CA10: variants seen among roughly 807,000 people sequenced by gnomAD.
CA10 encodes carbonic anhydrase 10 (inactive).
In CA10, 14 loss-of-function variants were observed where a neutral mutation model predicts 44.2. The observed-to-expected ratio is 0.32, with a 90% CI of 0.21 to 0.50. CA10 has a LOEUF of 0.50. Ranked by LOEUF, CA10 falls within the 20% of genes least tolerant of loss-of-function variation. The pLI is 0.99. For synonymous variants in CA10, 159 were observed against 141.6 expected (o/e 1.12, Z -0.87); for missense variants, 350 against 409.7 (o/e 0.85, Z 1.26).
intron 3 of CA10, among the ~76,000 whole-genome samples, chr17:51,774,604 T>C (rs1273252019): frequency 6.6e-6 from 1 of 152,008 alleles, no homozygotes; most frequent in African/African-American, 2.4e-5. Flanking sequence ...CACATCCGGC[T>C]AATTTTTTTT....
chr17:52,123,872 A>G (rs1361048311), intron 1 of CA10, among the ~76,000 whole-genome samples: 1 of 152,220 alleles, frequency 6.6e-6, no homozygotes, highest in African/African-American at 2.4e-5. Flanking sequence ...AGAAAACCAT[A>G]TTAAGATAGA....
chr17:51,744,880 C>T (rs536013278), intron 4 of CA10, among the ~76,000 whole-genome samples: 92 of 152,270 alleles, frequency 6.0e-4, no homozygotes, highest in African/African-American at 1.8e-3. Flanking sequence ...AGCATTGTTT[C>T]GGGGACTCTG....
chr17:51,929,319 C>T (rs549107527), intron 3 of CA10, among the ~76,000 whole-genome samples: 2 of 152,172 alleles, frequency 1.3e-5, no homozygotes, highest in African/African-American at 4.8e-5. Flanking sequence ...ACACATTTTC[C>T]ATCTCAATCC....
chr17:52,138,418 A>T (rs1399109316), intron 1 of CA10, among the ~76,000 whole-genome samples: 1 of 152,174 alleles, frequency 6.6e-6, no homozygotes, highest in Non-Finnish European at 1.5e-5. Flanking sequence ...TAGGACACAA[A>T]CATCTTTGGG....
chr17:51,953,291 C>T (rs1184809447), intron 2 of CA10, among the ~76,000 whole-genome samples: 4 of 152,104 alleles, frequency 2.6e-5, no homozygotes, highest in Non-Finnish European at 4.4e-5. Flanking sequence ...TTTTTCCTAA[C>T]TCATTTTAAA....
chr17:51,732,359 A>G (rs564941356), intron 4 of CA10, among the ~76,000 whole-genome samples: 1 of 152,266 alleles, frequency 6.6e-6, no homozygotes, highest in Non-Finnish European at 1.5e-5. Context: ...CTTTCTATTA[A>G]TGGGTGACAC....
At chr17:51,649,989 C>CCAGT (rs1913499848) in intron 5 of CA10, among the ~76,000 whole-genome samples, 1 of 21,418 alleles carries the variant, frequency 4.7e-5, no homozygotes, top group Non-Finnish European at 1.3e-4. Context: ...AGCCAGTCAG[C>CCAGT]CAGCCAGCCA....
chr17:51,790,705 A>G (rs568577991), intron 3 of CA10, among the ~76,000 whole-genome samples: 1 of 152,338 alleles, frequency 6.6e-6, no homozygotes, highest in East Asian at 1.9e-4. Flanking sequence ...TTAGTCTCAA[A>G]TTCATTCTGT....
intron 4 of CA10, among the ~76,000 whole-genome samples, chr17:51,716,437 T>C (rs1916116212): frequency 6.6e-6 from 1 of 152,200 alleles, no homozygotes; most frequent in African/African-American, 2.4e-5. Flanking sequence ...TTCTCTCCCC[T>C]TTTTTGGCCT....
chr17:52,044,555 C>T (rs1205173186), intron 2 of CA10, among the ~76,000 whole-genome samples: 7 of 152,148 alleles, frequency 4.6e-5, no homozygotes, highest in East Asian at 3.9e-4. Flanking sequence ...CCACCCACCT[C>T]GGCCTCCCAA....
intron 3 of CA10, among the ~76,000 whole-genome samples, chr17:51,769,065 A>C (rs1158146399): frequency 6.6e-6 from 1 of 152,202 alleles, no homozygotes; most frequent in Non-Finnish European, 1.5e-5. Flanking sequence ...TATAATGACA[A>C]CATGTCTTGA....
At chr17:51,772,588 C>T (rs1222466886) in intron 3 of CA10, among the ~76,000 whole-genome samples, 6 of 151,982 alleles carry the variant, frequency 3.9e-5, no homozygotes. Context: ...CCAGCCACCA[C>T]AGCCACCAGG....
Position 52,029,779 on chromosome 17 carries a change from C to T in CA10, c.136+42540G>A, listed in dbSNP as rs147453897. ...AAGCATGTGAGCCATTGAACCTTGA[C>T]CACAAATATTCTAAGAAACTTATAA... On this transcript the variant is annotated intron_variant, in intron 2 of 8. Coordinates refer to ENST00000451037, the MANE Select transcript of CA10 (RefSeq NM_020178.5). 1.5e-3 allele frequency among the ~76,000 whole-genome samples: 223 copies of T among 152,246 alleles called. 5 individuals are homozygous for T. In the South Asian group the frequency reaches 0.023, roughly 16 times the overall value.
intron 2 of CA10, among the ~76,000 whole-genome samples, chr17:52,044,459 A>C (rs891596617): frequency 2.0e-5 from 3 of 151,944 alleles, no homozygotes; most frequent in African/African-American, 7.3e-5. Flanking sequence ...GCATGCCACC[A>C]CACCTGACTA....
intron 3 of CA10, among the ~76,000 whole-genome samples, chr17:51,786,214 C>CTGTGTG (rs71357856): frequency 0.018 from 2,709 of 147,996 alleles, 69 homozygotes; most frequent in African/African-American, 0.056. Flanking sequence ...CTTTGTGTGT[C>CTGTGTG]TGTGTGTGTG....
chr17:51,993,677 A>G (rs906151963), intron 2 of CA10, among the ~76,000 whole-genome samples: 2 of 152,084 alleles, frequency 1.3e-5, no homozygotes, highest in African/African-American at 2.4e-5. Context: ...AGCCTTAAAA[A>G]TAAGTATTAT....
chr17:51,810,620 C>G (rs1391257483), intron 3 of CA10, among the ~76,000 whole-genome samples: 3 of 152,084 alleles, frequency 2.0e-5, no homozygotes, highest in African/African-American at 7.2e-5. Context: ...CGGAAGCTTC[C>G]ATTTTATTTG....
intron 1 of CA10, among the ~76,000 whole-genome samples, chr17:52,113,661 T>C (rs548496654): frequency 6.6e-6 from 1 of 152,210 alleles, no homozygotes; most frequent in African/African-American, 2.4e-5. Flanking sequence ...GAAAATAAAA[T>C]CCACATGATG....
At chr17:52,012,706 T>G (rs1371723312) in intron 2 of CA10, among the ~76,000 whole-genome samples, 1 of 152,048 alleles carries the variant, frequency 6.6e-6, no homozygotes, top group Non-Finnish European at 1.5e-5. Context: ...GATGCCAAAT[T>G]TAACATTTTC....
Sources: gnomAD v4.1 joint callset for allele counts (sites outside exome capture counted in the v4.1 genomes callset) on GRCh38, gnomAD v4.1.1 for gene constraint, MANE v1.5 for transcripts, NCBI Gene and HGNC (gene_info 2026-07-23, HGNC 2026-07-21) for gene names.